The following CEP68 variants were observed in gnomAD, a reference collection of about 807,000 sequenced individuals.
The protein encoded by CEP68 is centrosomal protein 68, also known as centrosomal protein of 68 kDa.
CEP68 carries 26 observed loss-of-function variants against 55.3 expected under a neutral mutation model. The ratio of observed to expected loss-of-function variants is 0.47; its 90% confidence interval spans 0.34 to 0.65. The LOEUF (loss-of-function observed/expected upper bound fraction) is 0.65. CEP68 is among the 30% of genes least tolerant of loss of function. CEP68 has a pLI of 0.01. For synonymous variants in CEP68, 402 were observed against 383.2 expected (o/e 1.05, Z -0.57); for missense variants, 957 against 946.7 (o/e 1.01, Z -0.14).
At chr2:65,082,771 A>C in intron 6 of CEP68, 62 bp downstream of exon 6, 3 of 1,344,068 alleles carry the variant, frequency 2.2e-6, no homozygotes, top group South Asian at 1.5e-5. Context: ...GTTGGCCACT[A>C]CTTAGAAGCT....
intron 1 of CEP68, among the ~76,000 whole-genome samples, chr2:65,065,282 A>G (rs554772726): frequency 6.6e-6 from 1 of 152,282 alleles, no homozygotes; most frequent in Non-Finnish European, 1.5e-5. Context: ...ATGTGTGTGC[A>G]TAGTGACTCA....
chr2:65,066,924 A>T (rs1387056989), intron 1 of CEP68, among the ~76,000 whole-genome samples: 1 of 148,660 alleles, frequency 6.7e-6, no homozygotes, highest in Non-Finnish European at 1.5e-5. Context: ...ACAGAGTGAG[A>T]CTCTGTCTCA....
intron 1 of CEP68, among the ~76,000 whole-genome samples, chr2:65,067,067 A>G (rs1676223092): frequency 6.6e-6 from 1 of 151,706 alleles, no homozygotes; most frequent in African/African-American, 2.4e-5. Flanking sequence ...ACAGTTTGCT[A>G]CTTTTATGTA....
At chr2:65,076,680 C>T (rs1676777590) in intron 4 of CEP68, among the ~76,000 whole-genome samples, 1 of 152,010 alleles carries the variant, frequency 6.6e-6, no homozygotes, top group African/African-American at 2.4e-5. Flanking sequence ...CACTACAGTA[C>T]TAGAGAATAA....
intron 1 of CEP68, among the ~76,000 whole-genome samples, chr2:65,057,087 TCTAA>T (rs1478982271): frequency 6.6e-6 from 1 of 152,264 alleles, no homozygotes; most frequent in African/African-American, 2.4e-5. Context: ...GGCTACCCTT[TCTAA>T]CTGTCATCAC....
intron 5 of CEP68, among the ~76,000 whole-genome samples, chr2:65,078,675 G>C (rs1338259443): frequency 2.0e-5 from 3 of 152,208 alleles, no homozygotes; most frequent in Non-Finnish European, 2.9e-5. Flanking sequence ...CTGAGTAGCT[G>C]GGATTACAGG....
At chr2:65,071,212 G>A (rs1256451111) in intron 2 of CEP68, 1 of 543,784 alleles carries the variant, frequency 1.8e-6, no homozygotes, top group African/African-American at 1.9e-5. Flanking sequence ...TACCTGTGGA[G>A]GAAGGAAGAA....
chr2:65,076,983 A>ATTTGAC (rs141323732), intron 4 of CEP68, among the ~76,000 whole-genome samples: 93,271 of 142,714 alleles, frequency 0.65, 30,851 homozygotes, highest in Non-Finnish European at 0.69. Flanking sequence ...GTGGTCATGG[A>ATTTGAC]TTTGACTTTA....
At chr2:65,080,194 T>C in intron 5 of CEP68, 1 of 972,684 alleles carries the variant, frequency 1.0e-6, no homozygotes, top group Non-Finnish European at 1.2e-6. Flanking sequence ...AAAATCAATT[T>C]AATAATACTT....
intron 1 of CEP68, among the ~76,000 whole-genome samples, chr2:65,058,385 G>T (rs1244220189): frequency 6.7e-6 from 1 of 150,286 alleles, no homozygotes; most frequent in East Asian, 2.0e-4. Flanking sequence ...CTATTTTGTT[G>T]TAGAGATGAC....
chr2:65,059,826 G>A (rs1022716602), intron 1 of CEP68, among the ~76,000 whole-genome samples: 1 of 152,154 alleles, frequency 6.6e-6, no homozygotes, highest in African/African-American at 2.4e-5. Flanking sequence ...CATTCCCAAC[G>A]AGCTCTGAGG....
At chr2:65,081,191 G>A (rs1020992649) in intron 5 of CEP68, among the ~76,000 whole-genome samples, 9 of 134,636 alleles carry the variant, frequency 6.7e-5, no homozygotes, top group Admixed American at 3.9e-4. Flanking sequence ...CAGCCTGGGT[G>A]ACAGAGTGAG....
At chr2:65,070,645 TG>T (rs754637037) in intron 2 of CEP68, 1 of 151,998 alleles carries the variant, frequency 6.6e-6, no homozygotes, top group Non-Finnish European at 1.5e-5. Context: ...CTGGCACCTG[TG>T]AGTCAGAGAT....
rs1239339970 is a variant in CEP68 at position 65,086,067 on chromosome 2, AGAC to A, written c.*2438_*2440del. ...TCCATAGGTAAGCTCAGCAAATGGA[AGAC>A]GACGTCAACACGGCTATTTTGAAGC... On this transcript the variant is annotated 3_prime_UTR_variant, in exon 7 of 7. Coordinates refer to ENST00000377990, the MANE Select transcript of CEP68 (RefSeq NM_015147.3). 4.7e-5 allele frequency: 4 copies of A among 84,740 alleles called. No individual in the cohort carries two copies. In the Admixed American group the frequency reaches 5.8e-4, roughly 12 times the overall value. 5.2% of individuals were successfully genotyped at this position (84,740 alleles called of 1,614,324 possible).
chr2:65,080,070 T>C (rs972566038), intron 5 of CEP68, among the ~76,000 whole-genome samples: 5 of 151,994 alleles, frequency 3.3e-5, no homozygotes, highest in African/African-American at 1.2e-4. Context: ...GAGGTGGAAG[T>C]TGCAGCGAGC....
intron 1 of CEP68, among the ~76,000 whole-genome samples, chr2:65,064,713 G>A (rs1307046208): frequency 5.4e-5 from 7 of 129,676 alleles, no homozygotes; most frequent in Admixed American, 1.8e-4. Context: ...CAGCCTTGGC[G>A]AAAAAGCGAG....
chr2:65,061,448 AG>A (rs1675910762), intron 1 of CEP68, among the ~76,000 whole-genome samples: 1 of 152,240 alleles, frequency 6.6e-6, no homozygotes, highest in Non-Finnish European at 1.5e-5. Context: ...GGAGAAAAGA[AG>A]GGGCTCCCGG....
At chr2:65,081,065 G>C (rs1676985124) in intron 5 of CEP68, among the ~76,000 whole-genome samples, 1 of 152,030 alleles carries the variant, frequency 6.6e-6, no homozygotes, top group Admixed American at 6.6e-5. Flanking sequence ...ACAAATATTA[G>C]CCGGGCGTGG....
intron 1 of CEP68, among the ~76,000 whole-genome samples, chr2:65,068,691 G>T (rs1676312927): frequency 6.6e-6 from 1 of 152,290 alleles, no homozygotes; most frequent in Non-Finnish European, 1.5e-5. Flanking sequence ...GCCAGGCGTG[G>T]TGGCATGTGC....
Sources: gnomAD v4.1 joint callset for allele counts (sites outside exome capture counted in the v4.1 genomes callset) on GRCh38, gnomAD v4.1.1 for gene constraint, MANE v1.5 for transcripts, NCBI Gene and HGNC (gene_info 2026-07-23, HGNC 2026-07-21) for gene names.